Variants in TSC22D4 observed in about 807,000 individuals in gnomAD.
TSC22D4 encodes the protein TSC22 domain family member 4.
In TSC22D4, 5 loss-of-function variants were observed where a neutral mutation model predicts 24.9. The ratio of observed to expected loss-of-function variants is 0.20; its 90% CI spans 0.10 to 0.42. TSC22D4 has a LOEUF of 0.42. TSC22D4 is among the 10% of genes least tolerant of loss of function. TSC22D4 has a pLI of 1.00. For synonymous variants in TSC22D4, 245 were observed against 243.2 expected (o/e 1.01, Z -0.07); for missense variants, 469 against 547.9 (o/e 0.86, Z 1.44).
chr7:100,467,859 T>A, intron 3 of TSC22D4: 1 of 664,120 alleles, frequency 1.5e-6, no homozygotes, highest in Non-Finnish European at 2.8e-6. Flanking sequence ...AGCCCCTTTT[T>A]CGGGGCAGCC....
In TSC22D4 at chr7:100,478,387, G is replaced by GTGTGTGTGTGTC. The variant is rs1799558205; in HGVS notation, c.-269-81_-269-80insGACACACACACA. 2.9e-5 allele frequency: 8 copies of GTGTGTGTGTGTC among 274,266 alleles called. No individual in the cohort carries two copies. In the South Asian group the frequency reaches 3.8e-4, roughly 13 times the overall value. The allele number at this position is 274,266 out of a possible 1,614,324, so 17.0% of individuals were successfully genotyped here. A position where few individuals can be genotyped will look rare whatever the true frequency, so the allele number is the denominator to read the frequency against. The stretch of plus-strand genomic sequence containing the variant: ...TGTGTGTGTGTGTGTGTGTGTGTGT[G>GTGTGTGTGTGTC]TGTGTGTGTGTGTGAAACCAGTGGG... On this transcript the variant is annotated intron_variant, in intron 1 of 4. Transcript: ENST00000300181.
chr7:100,477,862 C>T lies in TSC22D4; in HGVS notation c.177G>A (p.Arg59=). ...GGGCCCCAGGTGGTGGGGAGCCATT[C>T]CGGGGGGTGCCCTTGCCCCCCGGAT... The part of the protein sequence containing the change: ...SPDPGGKGTP[R]NGSPPPGAPS... Residue 59 remains arginine (R), a synonymous_variant, in exon 2 of 5, where the codon CGG becomes CGA. Transcript: ENST00000300181. This position sits in a 1 kb window ranked among gnomAD's most constrained non-coding sequence, Gnocchi z 7.8. 2 of 1,590,068 alleles carry T rather than the reference C, an allele frequency of 1.3e-6. No homozygotes were observed. The highest frequency in any genetic ancestry group is 1.7e-6 in the Non-Finnish European group (2 of 1,170,476).
Position 100,478,166 on chromosome 7 carries a change from G to A in TSC22D4, c.-128C>T, listed in dbSNP as rs370611481. 9 of 788,368 alleles carry A rather than the reference G, an allele frequency of 1.1e-5. No individual in the cohort carries two copies. The highest frequency in any genetic ancestry group is 7.0e-5 in the African/African-American group (4 of 56,786). The allele number at this position is 788,368 out of a possible 1,614,324, so 48.8% of individuals were successfully genotyped here. ...CGAGCCCCTGGGGACGTCTGGGTCC[G>A]ACATGGCAGGAGGGCCTGGCGGGAA... On this transcript the variant is annotated 5_prime_UTR_variant, in exon 2 of 5. Transcript: ENST00000300181.
chr7:100,469,421 G>A (rs1016881987), intron 3 of TSC22D4, among the ~76,000 whole-genome samples: 3 of 152,046 alleles, frequency 2.0e-5, no homozygotes, highest in African/African-American at 7.2e-5. Flanking sequence ...GGCCACCAGA[G>A]GGCGACTCAG....
Position 100,466,700 on chromosome 7 carries a change from GGGGGGTCCCAGGAGGGAGGGT to G in TSC22D4, c.*238_*258del, listed in dbSNP as rs1310513361. On this transcript the variant is annotated 3_prime_UTR_variant, in exon 5 of 5. Coordinates refer to ENST00000300181, the MANE Select transcript of TSC22D4 (RefSeq NM_030935.5). ...CGACTCCCCCAAGCCGTCTACTGCTGGGGGGTCCCAGGAGGGAGGGTGGGGGTTGGTTCCCTCCCAGAGGGG... is the reference window on the plus strand; with the variant it reads ...CGACTCCCCCAAGCCGTCTACTGCTGGGGGGTTGGTTCCCTCCCAGAGGGG... 1.9e-6 allele frequency: 1 copy of G among 519,214 alleles called. No homozygotes were observed. The highest frequency in any genetic ancestry group is 3.4e-6 in the Non-Finnish European group (1 of 293,926). 32.2% of individuals were successfully genotyped at this position (519,214 alleles called of 1,614,324 possible).
rs1799549543 is a variant in TSC22D4 at position 100,478,298 on chromosome 7, A to C, written c.-260T>G. The C allele has an allele frequency of 7.7e-6, 3 of 388,156 alleles. No individual in the cohort carries two copies. The highest frequency in any genetic ancestry group is 1.4e-5 in the Non-Finnish European group (3 of 216,472). 24.0% of individuals were successfully genotyped at this position (388,156 alleles called of 1,614,324 possible). On this transcript the variant is annotated 5_prime_UTR_variant, in exon 2 of 5. Coordinates refer to ENST00000300181, the MANE Select transcript of TSC22D4 (RefSeq NM_030935.5). Reference sequence around the variant, plus strand: ...CTGTTGCTGCTGAACTCCAGAGCTGAGTTTGCAAACTGGAAAAAGAGGGGG... The same window carrying C: ...CTGTTGCTGCTGAACTCCAGAGCTGCGTTTGCAAACTGGAAAAAGAGGGGG...
chr7:100,475,047 T>G (rs1288820914), intron 2 of TSC22D4, among the ~76,000 whole-genome samples: 1 of 152,122 alleles, frequency 6.6e-6, no homozygotes, highest in Non-Finnish European at 1.5e-5. Context: ...GTGATCCTCC[T>G]GCCTCAGCCT....
rs540085146 is a variant in TSC22D4, at chr7:100,474,282, G to A, written c.921C>T (p.Asp307=). ...MLAISGHLDS[D]DDSGSGSLVG... is the part of the protein sequence containing the mutation. ...CCACGAAGCCCACCTACCTATCATC[G>A]TCGCTGTCTAGGTGACCACTGATGG... is the stretch of plus-strand genomic sequence containing the variant. Residue 307 remains aspartate (D), a synonymous_variant, in exon 3 of 5, where the codon GAC becomes GAT. Coordinates refer to ENST00000300181, the MANE Select transcript of TSC22D4 (RefSeq NM_030935.5). This position sits in a 1 kb window ranked among gnomAD's most constrained non-coding sequence, Gnocchi z 4.3. The A allele has an allele frequency of 5.0e-5, 80 of 1,613,884 alleles. No individual in the cohort carries two copies. Among genetic ancestry groups the A allele is most frequent in the Non-Finnish European group, 6.2e-5 (73 of 1,179,892 alleles).
In TSC22D4 at chr7:100,469,227, T is replaced by TAAAA. The variant is rs57659736; in HGVS notation, c.930-1631_930-1628dup. Among the ~76,000 whole-genome samples the TAAAA allele has an allele frequency of 4.2e-3, 549 of 130,334 alleles. 5 individuals are homozygous for TAAAA. The highest frequency in any genetic ancestry group is 0.015 in the African/African-American group (522 of 34,696). 85.5% of individuals were successfully genotyped at this position (130,334 alleles called of 152,430 possible). A position where few individuals can be genotyped will look rare whatever the true frequency, so the allele number is the denominator to read the frequency against. On this transcript the variant is annotated intron_variant, in intron 3 of 4. Coordinates refer to ENST00000300181, the MANE Select transcript of TSC22D4 (RefSeq NM_030935.5). ...GGACAACAAGAGCAAAACTCTGTCT[T>TAAAA]AAAAAAAAAAAAAAAAAAATCGCCT...
intron 2 of TSC22D4, among the ~76,000 whole-genome samples, chr7:100,475,731 TA>T (rs1248048654): frequency 2.1e-5 from 3 of 145,884 alleles, no homozygotes; most frequent in Admixed American, 2.0e-4. Context: ...TGGACCTGCA[TA>T]GCCCAACAGG....
At chr7:100,468,704 A>G (rs909941949) in intron 3 of TSC22D4, among the ~76,000 whole-genome samples, 1 of 152,222 alleles carries the variant, frequency 6.6e-6, no homozygotes, top group African/African-American at 2.4e-5. Flanking sequence ...TGGGAGGCCA[A>G]GGTGGGTGTA....
At position 100,477,164 on chromosome 7, in the gene TSC22D4, G is replaced by T; in HGVS notation, c.762+113C>A. 2.1e-6 allele frequency: 2 copies of T among 958,732 alleles called. No individual in the cohort carries two copies. The highest frequency in any genetic ancestry group is 2.9e-6 in the Non-Finnish European group (2 of 689,240). The allele number at this position is 958,732 out of a possible 1,614,324, so 59.4% of individuals were successfully genotyped here. On this transcript the variant is annotated intron_variant, in intron 2 of 4. Transcript: ENST00000300181. The surrounding 1 kb of genome is among the most constrained non-coding windows in gnomAD (Gnocchi z 7.8). ...GCAGGCACAGAGAAGAGGGCTATCT[G>T]ATCTTATAAAGTGATGGAGAAGGAG...
intron 2 of TSC22D4, among the ~76,000 whole-genome samples, chr7:100,475,812 A>T (rs899915364): frequency 1.3e-5 from 2 of 151,302 alleles, no homozygotes. Flanking sequence ...AGGCCCCGGG[A>T]GGCCCCAGCT....
Position 100,477,577 on chromosome 7 carries a change from T to A in TSC22D4, c.462A>T (p.Pro154=). 6.3e-7 allele frequency: 1 copy of A among 1,582,304 alleles called. No individual in the cohort carries two copies. Among genetic ancestry groups the A allele is most frequent in the East Asian group, 2.3e-5 (1 of 44,378 alleles). ...CCTGAGGTCCAGGAGAGGTGGGGGG[T>A]GGACGGAGCCAGGAGGTGGGGCCCT... ...LSQGPTSWLR[P]PPTSPGPQAR... The change falls in exon 2 of 5, where the codon CCA becomes CCT. Residue 154 remains proline, a synonymous_variant. Transcript: ENST00000300181. The surrounding 1 kb of genome is among the most constrained non-coding windows in gnomAD (Gnocchi z 7.8).
At position 100,474,815 on chromosome 7, in the gene TSC22D4, T is replaced by G. The variant is rs1799463014; in HGVS notation, c.763-375A>C. On this transcript the variant is annotated intron_variant, in intron 2 of 4. Transcript: ENST00000300181. The surrounding 1 kb of genome is among the most constrained non-coding windows in gnomAD (Gnocchi z 4.3). ...TGCCTTCTTTTATGTTTTATTTTTATTTTTTTGAGACAGTCTCACTCTGTC... is the reference window on the plus strand; with the variant it reads ...TGCCTTCTTTTATGTTTTATTTTTAGTTTTTTGAGACAGTCTCACTCTGTC... Among the ~76,000 whole-genome samples the G allele has an allele frequency of 6.6e-6, 1 of 152,158 alleles. No individual in the cohort carries two copies. The highest frequency in any genetic ancestry group is 1.5e-5 in the Non-Finnish European group (1 of 68,022).
At position 100,467,155 on chromosome 7, in the gene TSC22D4, G is replaced by T; in HGVS notation, c.992C>A (p.Ser331Tyr). The change falls in exon 5 of 5, where the codon TCC (serine) becomes TAC (tyrosine). Residue 331 changes from serine (S) to tyrosine (Y), a missense_variant. By Grantham distance (144) the Ser-to-Tyr change is moderately radical. Coordinates refer to ENST00000300181, the MANE Select transcript of TSC22D4 (RefSeq NM_030935.5). The stretch of plus-strand genomic sequence containing the variant: ...CTCCCGGACCGCAAACATGAGGTGG[G>T]ACTTCACCAAGTCCTGGGGGCCCCG... Reference protein sequence around the residue: ...KIEQAMDLVKSHLMFAVREEV... With the variant: ...KIEQAMDLVKYHLMFAVREEV... The T allele has an allele frequency of 1.2e-6, 2 of 1,614,156 alleles. No individual in the cohort carries two copies. Among genetic ancestry groups the T allele is most frequent in the Non-Finnish European group, 1.7e-6 (2 of 1,180,030 alleles).
rs1227546236 is a variant in TSC22D4 at position 100,478,886 on chromosome 7, T to C, written c.-362A>G. The stretch of plus-strand genomic sequence containing the variant: ...CCTGGGGCCTCCTGGCCATGGGCAG[T>C]GGCGGGGCACGCAGGCGGCGATCAG... On this transcript the variant is annotated 5_prime_UTR_variant, in exon 1 of 5. Coordinates refer to ENST00000300181, the MANE Select transcript of TSC22D4 (RefSeq NM_030935.5). 10 of 152,236 alleles carry C rather than the reference T, an allele frequency of 6.6e-5. No individual in the cohort carries two copies. Among genetic ancestry groups the C allele is most frequent in the Non-Finnish European group, 1.2e-4 (8 of 68,122 alleles). 9.4% of individuals were successfully genotyped at this position (152,236 alleles called of 1,614,324 possible). A position where few individuals can be genotyped will look rare whatever the true frequency, so the allele number is the denominator to read the frequency against.
rs1208944967 is a variant in TSC22D4, at chr7:100,467,002, AC to A, written c.1144del (p.Val382SerfsTer55). On this transcript the variant is annotated frameshift_variant, in exon 5 of 5. Coordinates refer to ENST00000300181, the MANE Select transcript of TSC22D4 (RefSeq NM_030935.5). LOFTEE classifies it high-confidence loss of function. ...GGGCGCAGGGGGCCCAAGCCGTGGG[AC>A]CCCCGAGGAGGGCAGCTGAGCCAGC... ...EQLAQLPSSG[V>X]PRLGPPAPNG... is the part of the protein sequence containing the mutation. 6.2e-7 allele frequency: 1 copy of A among 1,601,806 alleles called. No individual in the cohort carries two copies. Among genetic ancestry groups the A allele is most frequent in the East Asian group, 2.2e-5 (1 of 44,506 alleles).
chr7:100,466,983 A>G lies in TSC22D4; in HGVS notation c.1164T>C (p.Pro388=). The stretch of plus-strand genomic sequence containing the variant: ...CTCAGACGGAGGGCCCATTGGGCGC[A>G]GGGGGCCCAAGCCGTGGGACCCCCG... ...PSSGVPRLGP[P]APNGPSV Residue 388 remains proline, a synonymous_variant, in exon 5 of 5, where the codon CCT becomes CCC. Transcript: ENST00000300181. 1.3e-6 allele frequency: 2 copies of G among 1,586,970 alleles called. No individual in the cohort carries two copies. Among genetic ancestry groups the G allele is most frequent in the East Asian group, 4.6e-5 (2 of 43,918 alleles).
Sources: gnomAD v4.1 joint callset for allele counts (sites outside exome capture counted in the v4.1 genomes callset) on GRCh38, gnomAD v4.1.1 for gene constraint, Gnocchi (gnomAD v3.1) non-coding constraint, MANE v1.5 for transcripts, NCBI Gene and HGNC (gene_info 2026-07-23, HGNC 2026-07-21) for gene names.